The following DAB1 variants were observed in gnomAD, a reference collection of about 807,000 sequenced individuals.
The protein encoded by DAB1 is disabled homolog 1.
DAB1 carries 15 observed loss-of-function variants against 64.6 expected under a neutral mutation model. The ratio of observed to expected loss-of-function variants is 0.23; its 90% CI spans 0.16 to 0.36. DAB1 has a LOEUF of 0.36. Ranked by LOEUF, DAB1 falls within the 10% of genes least tolerant of loss-of-function variation. The pLI is 1.00. For missense variants in DAB1, 596 were observed against 706.7 expected (o/e 0.84, Z 1.78); for synonymous variants, 235 against 251.9 (o/e 0.93, Z 0.64).
chr1:58,302,803 T>C (rs1662203956), intron 4 of DAB1, among the ~76,000 whole-genome samples: 1 of 152,190 alleles, frequency 6.6e-6, no homozygotes, highest in Non-Finnish European at 1.5e-5. Flanking sequence ...ATATTATTAT[T>C]GTTGCTATTT....
chr1:57,433,982 G>A (rs988648781), intron 7 of DAB1, among the ~76,000 whole-genome samples: 4 of 151,964 alleles, frequency 2.6e-5, no homozygotes, highest in Non-Finnish European at 5.9e-5. Flanking sequence ...TAAAATTTAA[G>A]CATTTGAAAC....
chr1:57,193,612 T>C (rs1454684373), intron 2 of DAB1, among the ~76,000 whole-genome samples: 1 of 152,146 alleles, frequency 6.6e-6, no homozygotes, highest in Non-Finnish European at 1.5e-5. Context: ...GGTCTCGATC[T>C]CCTGACCTCG....
chr1:57,495,376 C>T (rs1019679592), intron 7 of DAB1, among the ~76,000 whole-genome samples: 1 of 152,164 alleles, frequency 6.6e-6, no homozygotes, highest in Non-Finnish European at 1.5e-5. Flanking sequence ...ATCCAAATAT[C>T]ATGCTGCACT....
intron 5 of DAB1, among the ~76,000 whole-genome samples, chr1:58,029,433 TTA>T (rs1225551042): frequency 1.3e-5 from 2 of 152,220 alleles, no homozygotes; most frequent in African/African-American, 4.8e-5. Flanking sequence ...CACAGCAGCA[TTA>T]TCCAGCAGTG....
At chr1:57,341,803 C>G (rs570206458) in intron 1 of DAB1, among the ~76,000 whole-genome samples, 1 of 152,302 alleles carries the variant, frequency 6.6e-6, no homozygotes, top group Non-Finnish European at 1.5e-5. Flanking sequence ...CTCCACTCAT[C>G]TAATGGTCAA....
At chr1:57,813,174 G>A (rs749070151) in intron 6 of DAB1, among the ~76,000 whole-genome samples, 14 of 152,188 alleles carry the variant, frequency 9.2e-5, no homozygotes, top group Non-Finnish European at 2.1e-4. Flanking sequence ...CAATGAGAGA[G>A]TGTGAAGAGA....
At chr1:57,734,821 TA>T (rs1374618890) in intron 6 of DAB1, among the ~76,000 whole-genome samples, 33 of 152,276 alleles carry the variant, frequency 2.2e-4, no homozygotes, top group Non-Finnish European at 2.9e-4. Flanking sequence ...CAGCTACCAG[TA>T]AACAACAAAA....
chr1:57,781,404 A>G (rs1230781416), intron 6 of DAB1, among the ~76,000 whole-genome samples: 1 of 151,840 alleles, frequency 6.6e-6, no homozygotes, highest in Non-Finnish European at 1.5e-5. Context: ...TCCTGTCTCT[A>G]TTTCATGGAG....
At chr1:58,296,225 GA>G (rs1202738717) in intron 4 of DAB1, among the ~76,000 whole-genome samples, 1 of 149,740 alleles carries the variant, frequency 6.7e-6, no homozygotes, top group East Asian at 2.0e-4. Flanking sequence ...AAGAAAGAAA[GA>G]AAGAAAGAAA....
intron 1 of DAB1, among the ~76,000 whole-genome samples, chr1:57,847,948 G>A (rs1410871544): frequency 2.6e-5 from 4 of 152,098 alleles, no homozygotes; most frequent in Non-Finnish European, 5.9e-5. Flanking sequence ...TACAAAGTAG[G>A]AGATTATTAT....
At chr1:57,226,671 A>G (rs1430312556) in intron 2 of DAB1, among the ~76,000 whole-genome samples, 105 of 129,260 alleles carry the variant, frequency 8.1e-4, no homozygotes, top group African/African-American at 3.1e-3. Context: ...GTTAAAAAAA[A>G]AATATATATA....
chr1:57,665,798 T>C (rs1463275120), intron 6 of DAB1, among the ~76,000 whole-genome samples: 1 of 151,802 alleles, frequency 6.6e-6, no homozygotes, highest in African/African-American at 2.4e-5. Flanking sequence ...ACATGTGTTG[T>C]TTTTGGGTTA....
At chr1:58,356,842 T>C (rs1242535827) in intron 3 of DAB1, among the ~76,000 whole-genome samples, 1 of 151,930 alleles carries the variant, frequency 6.6e-6, no homozygotes, top group East Asian at 1.9e-4. Context: ...GTGGGCAGCA[T>C]AGGAGAACTG....
rs541125615 is a variant in DAB1, at chr1:58,536,566, G to T, written n.33-9231C>A. ...CTGAACTGTTCTTTCCCCAATAATA[G>T]TAGCTTGCTCCTTCCTGTGATTGGA... is the stretch of plus-strand genomic sequence containing the variant. On this transcript the variant is annotated intron_variant and non_coding_transcript_variant, in intron 1 of 20. Transcript: ENST00000485760. 9 of 872,726 alleles carry T rather than the reference G, an allele frequency of 1.0e-5. No individual in the cohort carries two copies. The South Asian group carries it at 1.2e-4, about 11-fold the overall frequency. 54.1% of individuals were successfully genotyped at this position (872,726 alleles called of 1,614,324 possible).
intron 1 of DAB1, among the ~76,000 whole-genome samples, chr1:57,847,300 T>G (rs1190694210): frequency 6.9e-6 from 1 of 145,468 alleles, no homozygotes; most frequent in African/African-American, 2.5e-5. Flanking sequence ...ACTACAAAGA[T>G]AAGATAGCCT....
chr1:58,171,300 A>G (rs1316586462), intron 4 of DAB1, among the ~76,000 whole-genome samples: 1 of 152,192 alleles, frequency 6.6e-6, no homozygotes. Context: ...ACTTTTCTTT[A>G]TCAAAGGCAA....
intron 1 of DAB1, among the ~76,000 whole-genome samples, chr1:57,838,228 C>G (rs1024960764): frequency 2.0e-5 from 3 of 152,136 alleles, no homozygotes; most frequent in Admixed American, 6.5e-5. Context: ...AAAAAACATG[C>G]AATAATATCA....
At chr1:58,053,883 T>C (rs1647876138) in intron 5 of DAB1, among the ~76,000 whole-genome samples, 1 of 152,256 alleles carries the variant, frequency 6.6e-6, no homozygotes, top group Non-Finnish European at 1.5e-5. Flanking sequence ...GTGTCAACCA[T>C]ACTCGCTGTT....
intron 8 of DAB1, among the ~76,000 whole-genome samples, chr1:57,063,821 T>C (rs1650648168): frequency 1.3e-5 from 2 of 152,244 alleles, no homozygotes; most frequent in African/African-American, 4.8e-5. Context: ...ATATGTTGAC[T>C]ACTTTTCAAA....
Sources: gnomAD v4.1 joint callset for allele counts (sites outside exome capture counted in the v4.1 genomes callset) on GRCh38, gnomAD v4.1.1 for gene constraint, MANE v1.5 for transcripts, NCBI Gene and HGNC (gene_info 2026-07-23, HGNC 2026-07-21) for gene names.